ACVR2B: variants seen among roughly 807,000 people sequenced by gnomAD.
ACVR2B encodes the protein activin A receptor type 2B.
Under a neutral mutation model 65.1 loss-of-function variants are expected in ACVR2B, and 18 were observed. The ratio of observed to expected loss-of-function variants is 0.28; its 90% confidence interval spans 0.19 to 0.41. The LOEUF (loss-of-function observed/expected upper bound fraction) is 0.41, where lower values mean the gene tolerates loss of function less well. ACVR2B is among the 10% of genes least tolerant of loss of function. The pLI is 1.00. For missense variants in ACVR2B, 482 were observed against 682.7 expected, an observed-to-expected ratio of 0.71 and a Z score of 3.28; for synonymous variants, 298 against 277.7, an observed-to-expected ratio of 1.07 and a Z score of -0.73.
At chr3:38,458,390 T>A (rs1709585804) in intron 1 of ACVR2B, among the ~76,000 whole-genome samples, 1 of 152,316 alleles carries the variant, frequency 6.6e-6, no homozygotes, top group African/African-American at 2.4e-5. Flanking sequence ...ACCCACTCTG[T>A]TTTGTACAGA....
chr3:38,483,442 C>A lies in ACVR2B; in HGVS notation c.*110C>A. On this transcript the variant is annotated 3_prime_UTR_variant, in exon 11 of 11. Transcript: ENST00000352511. This position sits in a 1 kb window ranked among gnomAD's most constrained non-coding sequence, Gnocchi z 4.8. ...AAACCAACAAACACATAAAATGCAG[C>A]TGCTATTTTACCTTGACTTTTTATT... The A allele has an allele frequency of 2.3e-6, 2 of 876,404 alleles. No individual in the cohort carries two copies. Among genetic ancestry groups the A allele is most frequent in the Non-Finnish European group, 3.7e-6 (2 of 545,142 alleles). 54.3% of individuals were successfully genotyped at this position (876,404 alleles called of 1,614,324 possible).
At chr3:38,479,976 C>T (rs1315444767) in intron 7 of ACVR2B, 150 bp downstream of exon 7, 3 of 1,115,246 alleles carry the variant, frequency 2.7e-6, no homozygotes, top group Non-Finnish European at 3.9e-6. Context: ...CAAAACCTGG[C>T]CTTCCCACTG....
rs1240636110 is a variant in ACVR2B at position 38,478,445 on chromosome 3, G to A, written c.593G>A (p.Arg198Gln). 5.6e-6 allele frequency: 9 copies of A among 1,613,978 alleles called. No individual in the cohort carries two copies. The East Asian group carries it at 8.9e-5, about 16-fold the overall frequency. ...CTGCAGCTGCTGGAGATCAAGGCTC[G>A]GGGGCGCTTTGGCTGTGTCTGGAAG... is the stretch of plus-strand genomic sequence containing the variant. Reference protein sequence around the residue: ...KPLQLLEIKARGRFGCVWKAQ... With the variant: ...KPLQLLEIKAQGRFGCVWKAQ... Residue 198 changes from arginine to glutamine, a missense_variant, in exon 5 of 11, where the codon CGG becomes CAG. Around this residue, in one of 5 missense-constraint regions of ACVR2B, gnomAD observed 223 missense variants for 386.3 expected, o/e 0.58. Transcript: ENST00000352511.
intron 1 of ACVR2B, among the ~76,000 whole-genome samples, chr3:38,460,231 C>A (rs1214685598): frequency 6.6e-6 from 1 of 151,518 alleles, no homozygotes; most frequent in South Asian, 2.1e-4. Context: ...AAACAGACAC[C>A]CACCCCCTTG....
At position 38,482,309 on chromosome 3, in the gene ACVR2B, C is replaced by G. The variant is rs1710030847; in HGVS notation, c.1186C>G (p.Leu396Val). 9 of 1,612,004 alleles carry G rather than the reference C, an allele frequency of 5.6e-6. No individual in the cohort carries two copies. Among genetic ancestry groups the G allele is most frequent in the Non-Finnish European group, 7.6e-6 (9 of 1,179,638 alleles). The change falls in exon 9 of 11, where the codon CTT becomes GTT. Residue 396 changes from leucine to valine, a missense_variant. Coordinates refer to ENST00000352511, the MANE Select transcript of ACVR2B (RefSeq NM_001106.4). ...MYAMGLVLWELVSRCKAADGP... is the reference protein window; with the variant it reads ...MYAMGLVLWEVVSRCKAADGP... ...TGCCATGGGGTTGGTGCTGTGGGAG[C>G]TTGTGTCTCGCTGCAAGGCTGCAGA...
At chr3:38,457,470 C>T (rs1709569331) in intron 1 of ACVR2B, among the ~76,000 whole-genome samples, 1 of 152,216 alleles carries the variant, frequency 6.6e-6, no homozygotes, top group Non-Finnish European at 1.5e-5. Context: ...GTCACAAGAT[C>T]AGTCAGTGGT....
Position 38,479,726 on chromosome 3 carries a change from C to G in ACVR2B, c.859C>G (p.Leu287Val). Residue 287 changes from leucine (L) to valine (V), a missense_variant, in exon 7 of 11, where the codon CTG (leucine) becomes GTG (valine). Physicochemically the swap from Leu to Val is conservative, Grantham distance 32. Around this residue, in one of 5 missense-constraint regions of ACVR2B, gnomAD observed 223 missense variants for 386.3 expected, o/e 0.58. Transcript: ENST00000352511. Reference protein sequence around the residue: ...LKGNIITWNELCHVAETMSRG... With the variant: ...LKGNIITWNEVCHVAETMSRG... ...GGGGAACATCATCACATGGAACGAA[C>G]TGTGTCATGTAGCAGAGACGATGTC... 6.2e-7 allele frequency: 1 copy of G among 1,614,216 alleles called. No individual in the cohort carries two copies. The highest frequency in any genetic ancestry group is 8.5e-7 in the Non-Finnish European group (1 of 1,180,022).
intron 1 of ACVR2B, among the ~76,000 whole-genome samples, chr3:38,469,970 T>C (rs1358281607): frequency 6.6e-6 from 1 of 152,062 alleles, no homozygotes; most frequent in Non-Finnish European, 1.5e-5. Flanking sequence ...ATTTATAAAT[T>C]GAGTAGAAGA....
In ACVR2B at chr3:38,493,103, T is replaced by G. The variant is rs1340303513; in HGVS notation, c.*9771T>G. ...GAAAAATCTAGAACTATTTCAAGTT[T>G]TATCTTTTTGTATATGAAAATAAAA... On this transcript the variant is annotated 3_prime_UTR_variant, in exon 11 of 11. Transcript: ENST00000352511. 2.6e-5 allele frequency: 4 copies of G among 152,654 alleles called. No homozygotes were observed. The highest frequency in any genetic ancestry group is 6.5e-5 in the Admixed American group (1 of 15,276). 9.5% of individuals were successfully genotyped at this position (152,654 alleles called of 1,614,324 possible).
Position 38,485,191 on chromosome 3 carries a change from C to T in ACVR2B, c.*1859C>T, listed in dbSNP as rs1003124503. Reference sequence around the variant, plus strand: ...TCCTCTTGGGTTGTTTGGAGCTTCACATGTAATTCACATGTAACATGTAAC... The same window carrying T: ...TCCTCTTGGGTTGTTTGGAGCTTCATATGTAATTCACATGTAACATGTAAC... On this transcript the variant is annotated 3_prime_UTR_variant, in exon 11 of 11. Transcript: ENST00000352511. 1 of 152,236 alleles carries T rather than the reference C, an allele frequency of 6.6e-6. No individual in the cohort carries two copies. The highest frequency in any genetic ancestry group is 1.9e-4 in the East Asian group (1 of 5,200). 9.4% of individuals were successfully genotyped at this position (152,236 alleles called of 1,614,324 possible). A position where few individuals can be genotyped will look rare whatever the true frequency, so the allele number is the denominator to read the frequency against.
intron 1 of ACVR2B, chr3:38,459,807 C>T (rs891190263): frequency 2.9e-5 from 10 of 347,186 alleles, no homozygotes; most frequent in South Asian, 2.3e-4. Context: ...GACAGGCAGC[C>T]GACACTGGAG....
rs1709936649 is a variant in ACVR2B at position 38,477,705 on chromosome 3, C to T, written c.261-156C>T. Among the ~76,000 whole-genome samples, 1 of 151,994 alleles carries T rather than the reference C, an allele frequency of 6.6e-6. No homozygotes were observed. The highest frequency in any genetic ancestry group is 6.5e-5 in the Admixed American group (1 of 15,272). ...CAGTGTCAACCCCTGGCTGTTCTTC[C>T]TTGGCTTTGGGTCTCCTGTAGGGGA... is the stretch of plus-strand genomic sequence containing the variant. On this transcript the variant is annotated intron_variant, in intron 2 of 10. Coordinates refer to ENST00000352511, the MANE Select transcript of ACVR2B (RefSeq NM_001106.4). This position sits in a 1 kb window ranked among gnomAD's most constrained non-coding sequence, Gnocchi z 6.7.
chr3:38,456,216 A>G (rs539729872), intron 1 of ACVR2B, among the ~76,000 whole-genome samples: 1 of 152,150 alleles, frequency 6.6e-6, no homozygotes. Context: ...GTCACTGGGT[A>G]TTTCTTGTAG....
At position 38,482,558 on chromosome 3, in the gene ACVR2B, C is replaced by T. The variant is rs373852166; in HGVS notation, c.1342C>T (p.Pro448Ser). 3 of 1,609,898 alleles carry T rather than the reference C, an allele frequency of 1.9e-6. No homozygotes were observed. The highest frequency in any genetic ancestry group is 2.5e-6 in the Non-Finnish European group (3 of 1,179,286). Residue 448 changes from proline to serine, a missense_variant and splice_region_variant, in exon 10 of 11, where the codon CCG becomes TCG. Transcript: ENST00000352511. ...CATTAAAGATCACTGGTTGAAACAC[C>T]CGGTAAGGGGCCTGGTTCAGGCAAC... is the stretch of plus-strand genomic sequence containing the variant. ...PTIKDHWLKHPGLAQLCVTIE... is the reference protein window; with the variant it reads ...PTIKDHWLKHSGLAQLCVTIE...
chr3:38,482,299 G>A lies in ACVR2B; in HGVS notation c.1176G>A (p.Val392=). The change falls in exon 9 of 11, where the codon GTG becomes GTA. Residue 392 remains valine (V), a synonymous_variant. Coordinates refer to ENST00000352511, the MANE Select transcript of ACVR2B (RefSeq NM_001106.4). ...TTGACATGTATGCCATGGGGTTGGT[G>A]CTGTGGGAGCTTGTGTCTCGCTGCA... ...LRIDMYAMGL[V]LWELVSRCKA... 1 of 1,612,678 alleles carries A rather than the reference G, an allele frequency of 6.2e-7. No individual in the cohort carries two copies. Among genetic ancestry groups the A allele is most frequent in the Non-Finnish European group, 8.5e-7 (1 of 1,179,790 alleles).
intron 1 of ACVR2B, among the ~76,000 whole-genome samples, chr3:38,461,203 CT>C (rs1304184974): frequency 6.6e-6 from 1 of 152,208 alleles, no homozygotes; most frequent in Non-Finnish European, 1.5e-5. Flanking sequence ...CCTCCTCCCC[CT>C]CCCCTCCAAC....
chr3:38,471,624 G>A (rs1709819986), intron 1 of ACVR2B, among the ~76,000 whole-genome samples: 1 of 152,198 alleles, frequency 6.6e-6, no homozygotes, highest in African/African-American at 2.4e-5. Context: ...GAGGTTATAA[G>A]CTTCTGAAAT....
intron 10 of ACVR2B, among the ~76,000 whole-genome samples, chr3:38,482,884 T>A: frequency 6.6e-6 from 1 of 152,134 alleles, no homozygotes; most frequent in East Asian, 1.9e-4. Context: ...CCCTCCTGTG[T>A]ATGTTGAGGT....
intron 10 of ACVR2B, among the ~76,000 whole-genome samples, chr3:38,482,878 C>T (rs993840873): frequency 5.3e-5 from 8 of 152,158 alleles, no homozygotes; most frequent in Admixed American, 2.6e-4. Flanking sequence ...CCTTCTCCCT[C>T]CTGTGTATGT....
Sources: allele counts gnomAD v4.1 joint callset (sites outside exome capture counted in the v4.1 genomes callset), GRCh38; gene constraint gnomAD v4.1.1; regional missense constraint gnomAD v4.1.1; non-coding constraint Gnocchi (gnomAD v3.1); transcripts MANE v1.5; gene names NCBI Gene and HGNC (gene_info 2026-07-23, HGNC 2026-07-21).